The following ADAM32 variants were observed in gnomAD, a reference collection of about 807,000 sequenced individuals.
The protein encoded by ADAM32 is disintegrin and metalloproteinase domain-containing protein 32.
In ADAM32, 89 loss-of-function variants were observed where a neutral mutation model predicts 114.9. That is an observed-to-expected ratio of 0.77 (90% CI 0.65 to 0.92). The LOEUF is 0.92. ADAM32 is among the 40% of genes least tolerant of loss of function. The pLI is 0.00. For synonymous variants in ADAM32, 285 were observed against 307.5 expected (o/e 0.93, Z 0.77); for missense variants, 870 against 932.8 (o/e 0.93, Z 0.88).
intron 16 of ADAM32, among the ~76,000 whole-genome samples, chr8:39,239,750 G>C (rs576525085): frequency 6.6e-6 from 1 of 152,212 alleles, no homozygotes; most frequent in East Asian, 1.9e-4. Context: ...CATGCAAATG[G>C]ACATGTAAAG....
chr8:39,213,503 A>T (rs556742142), intron 12 of ADAM32, among the ~76,000 whole-genome samples: 2 of 151,944 alleles, frequency 1.3e-5, no homozygotes, highest in African/African-American at 4.8e-5. Context: ...AAAATTTCTA[A>T]TTTTTGTGGG....
At chr8:39,194,695 G>A (rs763733414) in intron 11 of ADAM32, among the ~76,000 whole-genome samples, 2 of 152,128 alleles carry the variant, frequency 1.3e-5, no homozygotes, top group East Asian at 3.9e-4. Flanking sequence ...TGCTGGGTCC[G>A]TGGGAGAGTC....
intron 2 of ADAM32, among the ~76,000 whole-genome samples, chr8:39,130,611 G>A (rs887134477): frequency 3.9e-5 from 6 of 151,956 alleles, no homozygotes; most frequent in South Asian, 4.1e-4. Flanking sequence ...TTTTCATTCA[G>A]TTAAAATATT....
At chr8:39,237,692 C>T (rs912559757) in intron 16 of ADAM32, among the ~76,000 whole-genome samples, 3 of 152,120 alleles carry the variant, frequency 2.0e-5, no homozygotes, top group Non-Finnish European at 2.9e-5. Context: ...GACCTGAGAA[C>T]CACCTCCCCC....
chr8:39,189,486 T>C (rs940410763), intron 11 of ADAM32, among the ~76,000 whole-genome samples: 3 of 152,156 alleles, frequency 2.0e-5, no homozygotes, highest in Non-Finnish European at 4.4e-5. Flanking sequence ...AAAATTCTAT[T>C]GATATATAAT....
intron 3 of ADAM32, among the ~76,000 whole-genome samples, chr8:39,137,219 C>G (rs551947547): frequency 3.9e-5 from 6 of 152,228 alleles, no homozygotes; most frequent in African/African-American, 1.4e-4. Flanking sequence ...TTCTCTGATG[C>G]AAGCCCAGTT....
intron 22 of ADAM32, among the ~76,000 whole-genome samples, chr8:39,278,712 T>C (rs6980625): frequency 0.26 from 39,811 of 151,630 alleles, 5,353 homozygotes; most frequent in African/African-American, 0.32. Context: ...TAAAACGTAT[T>C]TATCAGTTGC....
intron 1 of ADAM32, among the ~76,000 whole-genome samples, chr8:39,110,707 A>G (rs940348882): frequency 3.9e-5 from 6 of 152,254 alleles, no homozygotes; most frequent in Non-Finnish European, 5.9e-5. Flanking sequence ...TATAAATTAT[A>G]TGCATAACTA....
intron 11 of ADAM32, among the ~76,000 whole-genome samples, chr8:39,207,806 C>T (rs75749837): frequency 0.086 from 13,034 of 152,214 alleles, 1,871 homozygotes; most frequent in African/African-American, 0.3. Flanking sequence ...AAATTTCACA[C>T]GTGAGTGTGA....
At chr8:39,116,855 A>G (rs1564427570) in intron 1 of ADAM32, among the ~76,000 whole-genome samples, 1 of 151,428 alleles carries the variant, frequency 6.6e-6, no homozygotes, top group Non-Finnish European at 1.5e-5. Flanking sequence ...CCCATTCAGT[A>G]TGATGTTAGT....
rs779192042 is a variant in ADAM32 at position 39,211,181 on chromosome 8, T to C, written c.1090T>C (p.Leu364=). The part of the protein sequence containing the change: ...NGVKTFSSCS[L]RSFQNFISNV... ...TGTGAAGACTTTTAGCAGTTGCAGTTTGAGGAGCTTTCAAAATTTCATTTC... is the reference window on the plus strand; with the variant it reads ...TGTGAAGACTTTTAGCAGTTGCAGTCTGAGGAGCTTTCAAAATTTCATTTC... The change falls in exon 12 of 25, where the codon TTG becomes CTG. Residue 364 remains leucine (L), a synonymous_variant. Transcript: ENST00000379907. The C allele has an allele frequency of 2.5e-6, 4 of 1,604,538 alleles. No individual in the cohort carries two copies. Among genetic ancestry groups the C allele is most frequent in the Non-Finnish European group, 3.4e-6 (4 of 1,176,272 alleles).
intron 3 of ADAM32, among the ~76,000 whole-genome samples, chr8:39,137,966 A>G (rs1423236838): frequency 6.6e-6 from 1 of 152,216 alleles, no homozygotes. Context: ...TACTAAGACT[A>G]TAAGCAGTGT....
At chr8:39,228,471 T>C (rs1172815627) in intron 14 of ADAM32, among the ~76,000 whole-genome samples, 1 of 152,064 alleles carries the variant, frequency 6.6e-6, no homozygotes, top group Non-Finnish European at 1.5e-5. Context: ...AGGAAATAGG[T>C]AGCTTAAAGA....
chr8:39,261,036 A>G (rs1428037903), intron 19 of ADAM32, among the ~76,000 whole-genome samples: 1 of 152,194 alleles, frequency 6.6e-6, no homozygotes. Context: ...ATTAGCAGAT[A>G]TATCATCTCA....
intron 1 of ADAM32, among the ~76,000 whole-genome samples, chr8:39,111,072 A>G (rs762791484): frequency 1.7e-4 from 26 of 152,186 alleles, no homozygotes; most frequent in Non-Finnish European, 3.7e-4. Flanking sequence ...ATGCATTAGA[A>G]CTTCATTCCT....
chr8:39,239,693 A>C (rs556685735), intron 16 of ADAM32, among the ~76,000 whole-genome samples: 1 of 152,350 alleles, frequency 6.6e-6, no homozygotes, highest in Non-Finnish European at 1.5e-5. Flanking sequence ...CACCTAACAC[A>C]TAAGGATTCA....
intron 12 of ADAM32, 125 bp downstream of exon 12, chr8:39,211,449 G>T: frequency 1.0e-6 from 1 of 977,298 alleles, no homozygotes; most frequent in Non-Finnish European, 1.4e-6. Context: ...GTGAAGTTGG[G>T]TCGAAATACA....
At chr8:39,246,203 G>C (rs368804488) in intron 17 of ADAM32, 37 bp downstream of exon 17, 1 of 1,586,256 alleles carries the variant, frequency 6.3e-7, no homozygotes, top group Non-Finnish European at 8.6e-7. Flanking sequence ...CACATTTCTT[G>C]GACACTTTTT....
intron 23 of ADAM32, among the ~76,000 whole-genome samples, chr8:39,282,538 T>TAA (rs1317563055): frequency 1.3e-5 from 2 of 152,262 alleles, no homozygotes; most frequent in African/African-American, 4.8e-5. Context: ...CCCATTATTC[T>TAA]AACTTTGTGT....
Sources: gnomAD v4.1 joint callset for allele counts (sites outside exome capture counted in the v4.1 genomes callset) on GRCh38, gnomAD v4.1.1 for gene constraint, MANE v1.5 for transcripts, NCBI Gene and HGNC (gene_info 2026-07-23, HGNC 2026-07-21) for gene names.